The following SOX5 variants were observed in gnomAD, a reference collection of about 807,000 sequenced individuals.
SOX5 encodes transcription factor SOX-5.
Under a neutral mutation model 92.0 loss-of-function variants are expected in SOX5, and 9 were observed. The ratio of observed to expected loss-of-function variants is 0.10; its 90% CI spans 0.06 to 0.17. SOX5 has a LOEUF of 0.17. Ranked by LOEUF, SOX5 falls within the 10% of genes least tolerant of loss-of-function variation. SOX5 has a pLI of 1.00. For missense variants in SOX5, 642 were observed against 944.5 expected (o/e 0.68, Z 4.20); for synonymous variants, 344 against 336.3 (o/e 1.02, Z -0.25).
rs536590126 is a variant in SOX5, at chr12:24,094,139, G to A, written c.-2+119204C>T. 1.1e-3 allele frequency among the ~76,000 whole-genome samples: 165 copies of A among 152,148 alleles called. No homozygotes were observed. In the Middle Eastern group the frequency reaches 0.014, roughly 13 times the overall value. ...TTTTTGTATATTTAGTAGAGAGGGG[G>A]TTTCACCATGTTGACCAGGCTGGTC... is the stretch of plus-strand genomic sequence containing the variant. On this transcript the variant is annotated intron_variant, in intron 4 of 4. Transcript: ENST00000446891.
chr12:24,345,830 G>A (rs774174066), intron 2 of SOX5, among the ~76,000 whole-genome samples: 14 of 152,178 alleles, frequency 9.2e-5, no homozygotes, highest in Non-Finnish European at 1.9e-4. Context: ...TAGAATTGTC[G>A]TGAAGGAGAA....
At chr12:24,252,062 A>G (rs1054783557) in intron 3 of SOX5, among the ~76,000 whole-genome samples, 1 of 152,162 alleles carries the variant, frequency 6.6e-6, no homozygotes, top group Non-Finnish European at 1.5e-5. Context: ...GCTTTTGCCA[A>G]CATTACCAAA....
At chr12:24,352,873 T>G (rs1309087836) in intron 2 of SOX5, among the ~76,000 whole-genome samples, 1 of 152,154 alleles carries the variant, frequency 6.6e-6, no homozygotes, top group Non-Finnish European at 1.5e-5. Flanking sequence ...AAAGACAGAC[T>G]ATGGAATAAG....
chr12:24,125,553 T>C (rs1281115957), intron 4 of SOX5, among the ~76,000 whole-genome samples: 2 of 152,138 alleles, frequency 1.3e-5, no homozygotes, highest in Non-Finnish European at 2.9e-5. Context: ...TTCCCAACTC[T>C]CTTGGACACG....
At chr12:24,419,115 TAGG>T (rs1206121652) in intron 1 of SOX5, among the ~76,000 whole-genome samples, 2 of 152,030 alleles carry the variant, frequency 1.3e-5, no homozygotes, top group African/African-American at 4.8e-5. Flanking sequence ...ACATAGCACC[TAGG>T]AGAAGAAAGA....
intron 4 of SOX5, among the ~76,000 whole-genome samples, chr12:24,083,812 C>T (rs951740965): frequency 1.3e-5 from 2 of 151,916 alleles, no homozygotes; most frequent in African/African-American, 4.8e-5. Context: ...TAATTAGTGG[C>T]CCACTTTATT....
At chr12:23,605,820 AAGTT>A (rs2075180603) in intron 8 of SOX5, among the ~76,000 whole-genome samples, 1 of 152,044 alleles carries the variant, frequency 6.6e-6, no homozygotes, top group Non-Finnish European at 1.5e-5. Context: ...AAATACATTA[AAGTT>A]ATCGATAAAA....
intron 1 of SOX5, among the ~76,000 whole-genome samples, chr12:24,403,990 A>G (rs889147209): frequency 2.0e-5 from 3 of 152,206 alleles, no homozygotes; most frequent in East Asian, 1.9e-4. Context: ...AATCACTATA[A>G]TAATTCCTAT....
At chr12:23,554,446 C>T (rs1415806139) in intron 11 of SOX5, among the ~76,000 whole-genome samples, 1 of 152,112 alleles carries the variant, frequency 6.6e-6, no homozygotes, top group Non-Finnish European at 1.5e-5. Flanking sequence ...TTCTGGAATT[C>T]CCTCTCCATA....
chr12:24,264,324 AT>A (rs1160227198), intron 3 of SOX5, among the ~76,000 whole-genome samples: 3 of 152,128 alleles, frequency 2.0e-5, no homozygotes, highest in African/African-American at 7.2e-5. Flanking sequence ...CTATACATAC[AT>A]TTTCTTTTAA....
intron 4 of SOX5, among the ~76,000 whole-genome samples, chr12:24,035,577 T>C (rs1031500777): frequency 6.6e-6 from 1 of 152,094 alleles, no homozygotes; most frequent in African/African-American, 2.4e-5. Flanking sequence ...AATGAAATGA[T>C]ATAACATCCA....
intron 1 of SOX5, among the ~76,000 whole-genome samples, chr12:24,486,608 TC>T (rs1946554530): frequency 1.3e-5 from 2 of 152,310 alleles, no homozygotes; most frequent in African/African-American, 4.8e-5. Context: ...CTGGTCATTA[TC>T]CCCTATAATC....
intron 1 of SOX5, among the ~76,000 whole-genome samples, chr12:24,459,612 G>A (rs945398218): frequency 1.3e-5 from 2 of 152,046 alleles, no homozygotes; most frequent in African/African-American, 2.4e-5. Flanking sequence ...TAAGAATCAG[G>A]GAAGGGAATA....
intron 1 of SOX5, among the ~76,000 whole-genome samples, chr12:24,501,498 A>T (rs567912315): frequency 3.3e-5 from 5 of 152,318 alleles, no homozygotes; most frequent in African/African-American, 1.2e-4. Flanking sequence ...TTGTTTAAAA[A>T]AAAGTATTCT....
chr12:24,043,542 G>A lies in SOX5; in HGVS notation c.-1-147518C>T, dbSNP rs115340979. ...CTGTTCTACCCGCATGTGTCCAACT[G>A]GTCCAACAGAACTTTCTTACTGAAT... is the stretch of plus-strand genomic sequence containing the variant. On this transcript the variant is annotated intron_variant, in intron 4 of 4. Transcript: ENST00000446891. 4.8e-3 allele frequency among the ~76,000 whole-genome samples: 738 copies of A among 152,256 alleles called. 5 individuals carry two copies. Among genetic ancestry groups the A allele is most frequent in the Middle Eastern group, 0.02 (6 of 294 alleles).
chr12:23,616,740 G>A (rs562364771), intron 8 of SOX5, among the ~76,000 whole-genome samples: 1 of 152,140 alleles, frequency 6.6e-6, no homozygotes, highest in Admixed American at 6.5e-5. Flanking sequence ...GTTGTTGGGT[G>A]TATAAGGGTT....
intron 6 of SOX5, among the ~76,000 whole-genome samples, chr12:23,692,168 C>T (rs1200999778): frequency 6.6e-6 from 1 of 152,032 alleles, no homozygotes; most frequent in Non-Finnish European, 1.5e-5. Flanking sequence ...CACGGTGGCT[C>T]ACGCCTGTAA....
At chr12:23,809,131 A>C (rs1185019147) in intron 3 of SOX5, among the ~76,000 whole-genome samples, 1 of 152,134 alleles carries the variant, frequency 6.6e-6, no homozygotes, top group African/African-American at 2.4e-5. Flanking sequence ...CCACACGTAC[A>C]CACACAAACT....
At chr12:23,553,620 T>A (rs571035600) in intron 11 of SOX5, among the ~76,000 whole-genome samples, 1 of 152,194 alleles carries the variant, frequency 6.6e-6, no homozygotes, top group African/African-American at 2.4e-5. Context: ...AAGAAAAGGT[T>A]GTGTTTCTTC....
Sources: gnomAD v4.1 joint callset for allele counts (sites outside exome capture counted in the v4.1 genomes callset) on GRCh38, gnomAD v4.1.1 for gene constraint, MANE v1.5 for transcripts, NCBI Gene and HGNC (gene_info 2026-07-23, HGNC 2026-07-21) for gene names.